The following RIMS1 variants were observed in gnomAD, a reference collection of about 807,000 sequenced individuals.
RIMS1 encodes regulating synaptic membrane exocytosis protein 1.
In RIMS1, 83 loss-of-function variants were observed where a neutral mutation model predicts 214.1. The observed-to-expected ratio is 0.39, with a 90% confidence interval of 0.32 to 0.47. RIMS1 has a LOEUF of 0.47. RIMS1 is among the 20% of genes least tolerant of loss of function. The probability of loss-of-function intolerance (pLI) is 0.99; values close to 1 mark genes in which losing one functional copy is unlikely to be tolerated. For synonymous variants in RIMS1, 793 were observed against 786.8 expected (o/e 1.01, Z -0.13); for missense variants, 2,050 against 2,161.8 (o/e 0.95, Z 1.03).
At chr6:72,156,162 T>C (rs1410651950) in intron 4 of RIMS1, 3 of 237,200 alleles carry the variant, frequency 1.3e-5, no homozygotes, top group Non-Finnish European at 1.8e-5. Flanking sequence ...AAGAGATATC[T>C]GCACTTCCAT....
intron 29 of RIMS1, among the ~76,000 whole-genome samples, chr6:72,343,633 C>T (rs1392458663): frequency 2.0e-5 from 3 of 148,798 alleles, no homozygotes; most frequent in African/African-American, 7.4e-5. Flanking sequence ...TAATATGGCT[C>T]TAAATGGCTT....
At chr6:71,967,121 G>T (rs1001226581) in intron 1 of RIMS1, among the ~76,000 whole-genome samples, 20 of 152,230 alleles carry the variant, frequency 1.3e-4, no homozygotes, top group African/African-American at 4.8e-4. Context: ...AGGCGCAGTG[G>T]CTCACGCCTG....
At chr6:71,961,126 G>T (rs532573302) in intron 1 of RIMS1, among the ~76,000 whole-genome samples, 1 of 151,982 alleles carries the variant, frequency 6.6e-6, no homozygotes, top group African/African-American at 2.4e-5. Flanking sequence ...TTAGAAATAC[G>T]TGAAGAGGTA....
rs142164849 is a variant in RIMS1 at position 72,304,646 on chromosome 6, C to G, written c.3851-2612C>G. On this transcript the variant is annotated intron_variant, in intron 26 of 33. Transcript: ENST00000521978. ...ATCTTTAGCAAAGTTAAAGAATTTCCACATTTACACTGAAGGTTTTTCAGC... is the reference window on the plus strand; with the variant it reads ...ATCTTTAGCAAAGTTAAAGAATTTCGACATTTACACTGAAGGTTTTTCAGC... Among the ~76,000 whole-genome samples, 347 of 151,798 alleles carry G rather than the reference C, an allele frequency of 2.3e-3. 1 individual carries two copies. The highest frequency in any genetic ancestry group is 4.0e-3 in the Non-Finnish European group (269 of 67,766).
chr6:72,015,091 C>T (rs548899980), intron 2 of RIMS1, among the ~76,000 whole-genome samples: 3 of 152,082 alleles, frequency 2.0e-5, no homozygotes, highest in East Asian at 1.9e-4. Flanking sequence ...AAGGAGATAC[C>T]TTGGGGATGG....
intron 2 of RIMS1, among the ~76,000 whole-genome samples, chr6:72,021,223 A>C (rs182794602): frequency 6.6e-6 from 1 of 152,306 alleles, no homozygotes; most frequent in East Asian, 1.9e-4. Context: ...TTAAACAATA[A>C]TCTTAATAAA....
chr6:72,305,165 A>G (rs751211796), intron 26 of RIMS1, among the ~76,000 whole-genome samples: 10 of 152,010 alleles, frequency 6.6e-5, no homozygotes, highest in Non-Finnish European at 1.3e-4. Flanking sequence ...AAGTAATCCT[A>G]TTAATGTTTA....
At chr6:72,383,776 A>C (rs1241136239) in intron 29 of RIMS1, among the ~76,000 whole-genome samples, 1 of 152,044 alleles carries the variant, frequency 6.6e-6, no homozygotes, top group Non-Finnish European at 1.5e-5. Context: ...GTGATGGCAT[A>C]ATCATAGCTT....
chr6:71,961,476 C>G (rs1330423408), intron 1 of RIMS1, among the ~76,000 whole-genome samples: 1 of 151,994 alleles, frequency 6.6e-6, no homozygotes, highest in Non-Finnish European at 1.5e-5. Context: ...GTAAAAAAGA[C>G]CATCTTCCCT....
intron 2 of RIMS1, among the ~76,000 whole-genome samples, chr6:72,038,645 C>T (rs977317891): frequency 2.0e-5 from 3 of 152,050 alleles, no homozygotes; most frequent in Non-Finnish European, 2.9e-5. Context: ...GTCAGTTATG[C>T]GGCAAATCAA....
intron 11 of RIMS1, among the ~76,000 whole-genome samples, chr6:72,246,168 A>G (rs1422397558): frequency 6.6e-6 from 1 of 152,168 alleles, no homozygotes. Context: ...TTACATTAAC[A>G]TTTATTGTGA....
Position 72,242,519 on chromosome 6 carries a change from A to G in RIMS1, c.2081+82A>G, listed in dbSNP as rs539848292. On this transcript the variant is annotated intron_variant, in intron 10 of 33. Transcript: ENST00000521978. Reference sequence around the variant, plus strand: ...TTTAAAAAGAATTTTATACATTCATACAGTACATGTTAACATGGATAGTTT... The same window carrying G: ...TTTAAAAAGAATTTTATACATTCATGCAGTACATGTTAACATGGATAGTTT... 14 of 988,202 alleles carry G rather than the reference A, an allele frequency of 1.4e-5. No individual in the cohort carries two copies. In the East Asian group the frequency reaches 3.8e-4, roughly 26 times the overall value. 61.2% of individuals were successfully genotyped at this position (988,202 alleles called of 1,614,324 possible). A position where few individuals can be genotyped will look rare whatever the true frequency, so the allele number is the denominator to read the frequency against.
chr6:72,170,238 T>C (rs2046839710), intron 4 of RIMS1, among the ~76,000 whole-genome samples: 1 of 152,230 alleles, frequency 6.6e-6, no homozygotes, highest in South Asian at 2.1e-4. Context: ...AATTTTATAT[T>C]GTACTCTACC....
intron 4 of RIMS1, among the ~76,000 whole-genome samples, chr6:72,118,283 G>GT (rs1030462836): frequency 3.6e-4 from 55 of 150,792 alleles, no homozygotes; most frequent in African/African-American, 1.3e-3. Flanking sequence ...ATTATAGGAG[G>GT]TTTTTTCCAC....
intron 28 of RIMS1, among the ~76,000 whole-genome samples, chr6:72,322,836 C>T (rs541978220): frequency 2.6e-5 from 4 of 152,070 alleles, no homozygotes; most frequent in African/African-American, 9.7e-5. Flanking sequence ...CAGGAACTGA[C>T]AGAGAAACTG....
At chr6:72,002,455 A>C (rs1231412353) in intron 2 of RIMS1, among the ~76,000 whole-genome samples, 1 of 152,174 alleles carries the variant, frequency 6.6e-6, no homozygotes, top group Non-Finnish European at 1.5e-5. Context: ...CTAAAGATAA[A>C]ATGTTTAAAA....
intron 4 of RIMS1, among the ~76,000 whole-genome samples, chr6:72,122,200 C>CTTTTTCT (rs1562363253): frequency 1.5e-5 from 1 of 64,632 alleles, no homozygotes; most frequent in Non-Finnish European, 3.3e-5. Flanking sequence ...CCCTCTTTTC[C>CTTTTTCT]TTTTTTCTTT....
At position 72,126,011 on chromosome 6, in the gene RIMS1, C is replaced by G. The variant is rs188256440; in HGVS notation, c.471+26025C>G. Among the ~76,000 whole-genome samples, 12 of 152,310 alleles carry G rather than the reference C, an allele frequency of 7.9e-5. 1 individual carries two copies. In the East Asian group the frequency reaches 2.1e-3, roughly 27 times the overall value. Reference sequence around the variant, plus strand: ...GGGCTGCACCCACTGTCCAACCATTCCCAGTGAGATGAACCAGGTATCTCA... The same window carrying G: ...GGGCTGCACCCACTGTCCAACCATTGCCAGTGAGATGAACCAGGTATCTCA... On this transcript the variant is annotated intron_variant, in intron 4 of 33. Coordinates refer to ENST00000521978, the MANE Select transcript of RIMS1 (RefSeq NM_014989.7).
chr6:71,898,294 T>C (rs533473269), intron 1 of RIMS1, among the ~76,000 whole-genome samples: 1 of 152,166 alleles, frequency 6.6e-6, no homozygotes, highest in Non-Finnish European at 1.5e-5. Context: ...TAGAATTAGA[T>C]CAGTAGTGTA....
Sources: allele counts gnomAD v4.1 joint callset (sites outside exome capture counted in the v4.1 genomes callset), GRCh38; gene constraint gnomAD v4.1.1; transcripts MANE v1.5; gene names NCBI Gene and HGNC (gene_info 2026-07-23, HGNC 2026-07-21).